NLGN1: variants seen among roughly 807,000 people sequenced by gnomAD.
NLGN1 encodes the protein neuroligin-1.
NLGN1 carries 12 observed loss-of-function variants against 65.5 expected under a neutral mutation model. The ratio of observed to expected loss-of-function variants is 0.18; its 90% CI spans 0.12 to 0.30. NLGN1 has a LOEUF of 0.30. Ranked by LOEUF, NLGN1 falls within the 10% of genes least tolerant of loss-of-function variation. The probability of loss-of-function intolerance (pLI) is 1.00; values close to 1 mark genes in which losing one functional copy is unlikely to be tolerated. For missense variants in NLGN1, 750 were observed against 1,007.1 expected, an observed-to-expected ratio of 0.74 and a Z score of 3.46; for synonymous variants, 350 against 359.5, an observed-to-expected ratio of 0.97 and a Z score of 0.30.
At chr3:174,223,808 A>G (rs1739107959) in intron 4 of NLGN1, among the ~76,000 whole-genome samples, 1 of 152,206 alleles carries the variant, frequency 6.6e-6, no homozygotes, top group Admixed American at 6.5e-5. Context: ...TGCCTACAGT[A>G]GCATGACCAA....
intron 4 of NLGN1, among the ~76,000 whole-genome samples, chr3:174,274,403 T>TAA (rs1750116587): frequency 6.6e-6 from 1 of 151,876 alleles, no homozygotes; most frequent in Admixed American, 6.6e-5. Context: ...CTTTCATATG[T>TAA]AAAACAGTTA....
At chr3:174,217,934 T>C (rs1737934558) in intron 4 of NLGN1, among the ~76,000 whole-genome samples, 1 of 152,082 alleles carries the variant, frequency 6.6e-6, no homozygotes, top group South Asian at 2.1e-4. Flanking sequence ...ACCTAACTCA[T>C]AAGTTTGCCT....
chr3:173,796,004 C>G (rs1042069814), intron 3 of NLGN1, among the ~76,000 whole-genome samples: 3 of 152,066 alleles, frequency 2.0e-5, no homozygotes, highest in Non-Finnish European at 4.4e-5. Context: ...TCTAAATAAT[C>G]CTAAAAAATT....
intron 4 of NLGN1, among the ~76,000 whole-genome samples, chr3:173,881,494 G>A (rs1477660166): frequency 5.1e-5 from 7 of 136,746 alleles, no homozygotes; most frequent in Non-Finnish European, 6.1e-5. Flanking sequence ...GCGCAATCTC[G>A]GCTCACTGCA....
chr3:174,006,934 G>C (rs1285355841), intron 4 of NLGN1, among the ~76,000 whole-genome samples: 4 of 152,166 alleles, frequency 2.6e-5, no homozygotes, highest in South Asian at 2.1e-4. Flanking sequence ...TGAGGGTGGT[G>C]GCAGGTTCCT....
chr3:173,616,777 T>C (rs1753168817), intron 3 of NLGN1, among the ~76,000 whole-genome samples: 1 of 152,200 alleles, frequency 6.6e-6, no homozygotes, highest in Admixed American at 6.5e-5. Flanking sequence ...CCTATTCCCA[T>C]TCCTGCTTCT....
At chr3:173,869,076 A>G (rs1480169979) in intron 4 of NLGN1, among the ~76,000 whole-genome samples, 1 of 152,196 alleles carries the variant, frequency 6.6e-6, no homozygotes, top group Non-Finnish European at 1.5e-5. Flanking sequence ...GATATTCCAT[A>G]CTTTTAAGGA....
intron 4 of NLGN1, among the ~76,000 whole-genome samples, chr3:174,069,034 T>C (rs2152531144): frequency 6.6e-6 from 1 of 152,194 alleles, no homozygotes; most frequent in African/African-American, 2.4e-5. Context: ...TGTGGTGGAC[T>C]TAAGGAGGAT....
intron 2 of NLGN1, among the ~76,000 whole-genome samples, chr3:173,470,689 A>C (rs979462394): frequency 6.6e-6 from 1 of 152,178 alleles, no homozygotes; most frequent in Non-Finnish European, 1.5e-5. Flanking sequence ...TCTTTGGTAG[A>C]TAGAAAGCAC....
chr3:173,518,350 T>A (rs140561267), intron 2 of NLGN1, among the ~76,000 whole-genome samples: 1,727 of 151,942 alleles, frequency 0.011, 33 homozygotes, highest in African/African-American at 0.04. Context: ...AGCTAGGGAT[T>A]TTTTGATGAG....
chr3:173,931,293 T>C (rs1029909967), intron 4 of NLGN1, among the ~76,000 whole-genome samples: 5 of 152,064 alleles, frequency 3.3e-5, no homozygotes, highest in South Asian at 2.1e-4. Flanking sequence ...ATCATAAATA[T>C]ATAAAAATTA....
At chr3:173,548,752 T>C (rs1740339057) in intron 2 of NLGN1, among the ~76,000 whole-genome samples, 1 of 151,874 alleles carries the variant, frequency 6.6e-6, no homozygotes, top group Non-Finnish European at 1.5e-5. Context: ...TGTATGAAAG[T>C]ATATATGTAT....
intron 3 of NLGN1, among the ~76,000 whole-genome samples, chr3:173,760,931 T>C (rs955250118): frequency 2.0e-5 from 3 of 152,030 alleles, no homozygotes; most frequent in East Asian, 3.9e-4. Context: ...GTCAGCACAA[T>C]AGAGCAATTA....
At chr3:174,050,047 G>A (rs537195424) in intron 4 of NLGN1, among the ~76,000 whole-genome samples, 4 of 152,064 alleles carry the variant, frequency 2.6e-5, no homozygotes, top group Non-Finnish European at 5.9e-5. Context: ...AGTTTAAAAT[G>A]AAAATTAGAG....
At chr3:174,076,439 C>T (rs1740916989) in intron 4 of NLGN1, among the ~76,000 whole-genome samples, 1 of 152,072 alleles carries the variant, frequency 6.6e-6, no homozygotes, top group Non-Finnish European at 1.5e-5. Context: ...CCTGAACACT[C>T]ACATTTGGTC....
intron 3 of NLGN1, among the ~76,000 whole-genome samples, chr3:173,715,418 T>C (rs1769684254): frequency 1.3e-5 from 2 of 152,172 alleles, no homozygotes; most frequent in South Asian, 2.1e-4. Flanking sequence ...CCACTTCTTT[T>C]TTCCTTGTTC....
At chr3:173,856,761 A>G (rs1728050675) in intron 4 of NLGN1, among the ~76,000 whole-genome samples, 1 of 152,146 alleles carries the variant, frequency 6.6e-6, no homozygotes, top group Admixed American at 6.6e-5. Context: ...ACAGAGGCCT[A>G]AAATACTAGA....
chr3:173,585,444 G>T (rs1471471441), intron 2 of NLGN1, among the ~76,000 whole-genome samples: 1 of 152,050 alleles, frequency 6.6e-6, no homozygotes, highest in African/African-American at 2.4e-5. Context: ...GGGATATTTT[G>T]CAGGGGGAAT....
At chr3:173,623,996 T>G (rs2149514270) in intron 3 of NLGN1, among the ~76,000 whole-genome samples, 1 of 152,222 alleles carries the variant, frequency 6.6e-6, no homozygotes, top group East Asian at 1.9e-4. Context: ...CAAATAGGAA[T>G]CCTGGAAGAA....
Sources: allele counts gnomAD v4.1 joint callset (sites outside exome capture counted in the v4.1 genomes callset), GRCh38; gene constraint gnomAD v4.1.1; transcripts MANE v1.5; gene names NCBI Gene and HGNC (gene_info 2026-07-23, HGNC 2026-07-21).